SPTBN1: variants seen among roughly 807,000 people sequenced by gnomAD.
SPTBN1 encodes the protein spectrin beta, non-erythrocytic 1.
SPTBN1 carries 32 observed loss-of-function variants against 266.4 expected under a neutral mutation model. The ratio of observed to expected loss-of-function variants is 0.12; its 90% CI spans 0.09 to 0.16. SPTBN1 has a LOEUF of 0.16. Among genes scored for constraint, SPTBN1 ranks in the 10% least tolerant of loss-of-function variants. SPTBN1 has a pLI of 1.00. For synonymous variants in SPTBN1, 1,336 were observed against 1,162.2 expected, an observed-to-expected ratio of 1.15 and a Z score of -3.04; for missense variants, 2,296 against 3,067.1, an observed-to-expected ratio of 0.75 and a Z score of 5.94.
rs559440080 is a variant in SPTBN1, at chr2:54,486,326, C to T, written c.-48+29808C>T. ...CTGAGAAATCGGATGGTTGCCGTGT[C>T]TGTGTAGAAAGAAGTAGACATGGGA... On this transcript the variant is annotated intron_variant, in intron 1 of 35. Transcript: ENST00000356805. Among the ~76,000 whole-genome samples, 7 of 152,140 alleles carry T rather than the reference C, an allele frequency of 4.6e-5. No homozygotes were observed. The East Asian group carries it at 5.8e-4, about 13-fold the overall frequency.
At chr2:54,599,965 G>A (rs999546077) in intron 3 of SPTBN1, among the ~76,000 whole-genome samples, 3 of 152,212 alleles carry the variant, frequency 2.0e-5, no homozygotes, top group African/African-American at 4.8e-5. Context: ...AATGGTTGCT[G>A]TATCCTCCCA....
intron 3 of SPTBN1, among the ~76,000 whole-genome samples, chr2:54,611,923 A>G (rs1042411986): frequency 4.6e-5 from 7 of 152,246 alleles, no homozygotes; most frequent in African/African-American, 1.7e-4. Context: ...TTTGTAAACT[A>G]TATAGCTCCA....
At chr2:54,512,679 A>G (rs766145767) in intron 1 of SPTBN1, among the ~76,000 whole-genome samples, 3 of 152,248 alleles carry the variant, frequency 2.0e-5, no homozygotes, top group Admixed American at 6.5e-5. Context: ...TTACAAATTT[A>G]TAACCTTCTC....
intron 2 of SPTBN1, among the ~76,000 whole-genome samples, chr2:54,568,262 TC>T (rs745840498): frequency 5.3e-4 from 78 of 146,258 alleles, no homozygotes; most frequent in Non-Finnish European, 6.5e-4. Flanking sequence ...ACATGTGTAA[TC>T]CCAGCTACTC....
intron 2 of SPTBN1, among the ~76,000 whole-genome samples, chr2:54,556,816 A>T (rs1417343298): frequency 1.3e-5 from 2 of 152,180 alleles, no homozygotes; most frequent in African/African-American, 4.8e-5. Context: ...GGAGGTGGGC[A>T]TTAATTATTA....
chr2:54,462,831 C>T (rs749229114), intron 1 of SPTBN1, among the ~76,000 whole-genome samples: 2 of 152,206 alleles, frequency 1.3e-5, no homozygotes, highest in Admixed American at 6.5e-5. Context: ...TGCCATCACT[C>T]GCTTCTGTTC....
intron 17 of SPTBN1, among the ~76,000 whole-genome samples, chr2:54,634,913 G>C (rs565380985): frequency 6.6e-5 from 10 of 152,252 alleles, no homozygotes; most frequent in African/African-American, 1.9e-4. Context: ...TGAACAGGGA[G>C]GGAGGGAGCT....
At chr2:54,603,773 T>C (rs1384889484) in intron 3 of SPTBN1, among the ~76,000 whole-genome samples, 1 of 152,236 alleles carries the variant, frequency 6.6e-6, no homozygotes, top group Admixed American at 6.5e-5. Context: ...TCCTACCCTA[T>C]GTATTCCGTA....
At chr2:54,651,105 C>T (rs1026679388) in intron 26 of SPTBN1, among the ~76,000 whole-genome samples, 2 of 152,134 alleles carry the variant, frequency 1.3e-5, no homozygotes, top group Non-Finnish European at 2.9e-5. Context: ...TATTATATAA[C>T]AAAAGTTTAG....
At chr2:54,624,462 T>C (rs1572701415) in intron 10 of SPTBN1, among the ~76,000 whole-genome samples, 3 of 152,238 alleles carry the variant, frequency 2.0e-5, no homozygotes, top group African/African-American at 7.2e-5. Flanking sequence ...AAGAATCATT[T>C]ATCTTTTTTA....
Position 54,659,196 on chromosome 2 carries a change from A to T in SPTBN1, c.6286A>T (p.Arg2096Trp). ...GCGCAGACAGCAAGAGGAAGAGGAG[A>T]GGAAGAGGCGGCCGCCTTCTCCCGA... is the stretch of plus-strand genomic sequence containing the variant. ...EVRRQQEEEE[R>W]KRRPPSPEPS... is the part of the protein sequence containing the mutation. The change falls in exon 31 of 36, where the codon AGG (arginine) becomes TGG (tryptophan). Residue 2096 changes from arginine to tryptophan, a missense_variant. Coordinates refer to ENST00000356805, the MANE Select transcript of SPTBN1 (RefSeq NM_003128.3). 1 of 1,614,080 alleles carries T rather than the reference A, an allele frequency of 6.2e-7. No homozygotes were observed.
intron 33 of SPTBN1, among the ~76,000 whole-genome samples, chr2:54,665,064 G>T (rs1290557901): frequency 6.6e-6 from 1 of 152,126 alleles, no homozygotes; most frequent in Non-Finnish European, 1.5e-5. Context: ...CTCCATATCA[G>T]CCTTTATATA....
At position 54,632,579 on chromosome 2, in the gene SPTBN1, C is replaced by T. The variant is rs780640494; in HGVS notation, c.3578C>T (p.Ala1193Val). ...TTTTTAAATAAGGAGTATGTTCTGG[C>T]TCACACTGAAATGCCTACCACCTTG... ...AFLNNQEYVL[A>V]HTEMPTTLEG... is the part of the protein sequence containing the mutation. The change falls in exon 17 of 36, where the codon GCT (alanine) becomes GTT (valine). Residue 1193 changes from alanine to valine, a missense_variant. Transcript: ENST00000356805. The T allele has an allele frequency of 1.9e-6, 3 of 1,614,202 alleles. No individual in the cohort carries two copies. In the Admixed American group the frequency reaches 5.0e-5, roughly 27 times the overall value.
At chr2:54,506,711 C>G (rs1250580012) in intron 1 of SPTBN1, among the ~76,000 whole-genome samples, 1 of 152,110 alleles carries the variant, frequency 6.6e-6, no homozygotes, top group Non-Finnish European at 1.5e-5. Context: ...GTACAGTATA[C>G]TTTCAGGCAA....
chr2:54,460,643 G>A (rs1573193728), intron 1 of SPTBN1, among the ~76,000 whole-genome samples: 1 of 152,248 alleles, frequency 6.6e-6, no homozygotes, highest in East Asian at 1.9e-4. Flanking sequence ...TCTTTTCTTA[G>A]AGTTCTTTTT....
At chr2:54,608,714 G>GCA (rs760235577) in intron 3 of SPTBN1, among the ~76,000 whole-genome samples, 13 of 151,378 alleles carry the variant, frequency 8.6e-5, no homozygotes, top group African/African-American at 3.1e-4. Context: ...GTGCGCGCAT[G>GCA]CACACACACA....
intron 1 of SPTBN1, among the ~76,000 whole-genome samples, chr2:54,460,621 C>T (rs997543562): frequency 6.6e-6 from 1 of 152,140 alleles, no homozygotes; most frequent in Non-Finnish European, 1.5e-5. Flanking sequence ...AATGTCCTGC[C>T]CTCTCGTCCA....
intron 29 of SPTBN1, among the ~76,000 whole-genome samples, chr2:54,656,891 A>G (rs1680703798): frequency 6.6e-6 from 1 of 152,342 alleles, no homozygotes; most frequent in South Asian, 2.1e-4. Flanking sequence ...CTTGTACACC[A>G]GGGACACAGT....
chr2:54,492,921 A>G (rs1019539758), intron 1 of SPTBN1, among the ~76,000 whole-genome samples: 4 of 152,070 alleles, frequency 2.6e-5, no homozygotes, highest in Non-Finnish European at 5.9e-5. Context: ...GCAGTTTAAT[A>G]TGTCTGCAGA....
Sources: allele counts gnomAD v4.1 joint callset (sites outside exome capture counted in the v4.1 genomes callset), GRCh38; gene constraint gnomAD v4.1.1; transcripts MANE v1.5; gene names NCBI Gene and HGNC (gene_info 2026-07-23, HGNC 2026-07-21).